The following FGF14 variants were observed in gnomAD, a reference collection of about 807,000 sequenced individuals.
The protein encoded by FGF14 is fibroblast growth factor homologous factor 4.
FGF14 carries 5 observed loss-of-function variants against 25.5 expected under a neutral mutation model. The ratio of observed to expected loss-of-function variants is 0.20; its 90% CI spans 0.10 to 0.41. The LOEUF (loss-of-function observed/expected upper bound fraction) is 0.41. Ranked by LOEUF, FGF14 falls within the 10% of genes least tolerant of loss-of-function variation. The probability of loss-of-function intolerance (pLI) is 1.00; values close to 1 mark genes in which losing one functional copy is unlikely to be tolerated. For missense variants in FGF14, 222 were observed against 320.1 expected, an observed-to-expected ratio of 0.69 and a Z score of 2.34; for synonymous variants, 138 against 118.3, an observed-to-expected ratio of 1.17 and a Z score of -1.08.
chr13:102,045,132 C>T (rs1481793753), intron 1 of FGF14, among the ~76,000 whole-genome samples: 2 of 152,040 alleles, frequency 1.3e-5, no homozygotes, highest in East Asian at 3.9e-4. Flanking sequence ...TTAAAATATA[C>T]ATTATAGGGT....
chr13:102,225,985 C>T (rs2050809916), intron 1 of FGF14, among the ~76,000 whole-genome samples: 1 of 152,154 alleles, frequency 6.6e-6, no homozygotes. Context: ...AGAGTTTTTA[C>T]CTGTCCACTT....
At chr13:102,269,925 C>T (rs1361728081) in intron 1 of FGF14, among the ~76,000 whole-genome samples, 2 of 152,104 alleles carry the variant, frequency 1.3e-5, no homozygotes, top group Non-Finnish European at 1.5e-5. Flanking sequence ...AGAGGCCTGA[C>T]CAGGAGCTTT....
At chr13:102,392,696 T>C (rs185292763) in intron 1 of FGF14, among the ~76,000 whole-genome samples, 3 of 152,238 alleles carry the variant, frequency 2.0e-5, no homozygotes, top group Non-Finnish European at 2.9e-5. Context: ...AAACCTGTAA[T>C]CAGAAAATTC....
At chr13:102,169,411 C>G (rs1221783630) in intron 1 of FGF14, among the ~76,000 whole-genome samples, 1 of 152,060 alleles carries the variant, frequency 6.6e-6, no homozygotes, top group South Asian at 2.1e-4. Context: ...AGGACCCAGA[C>G]TAGAACCTCA....
rs542534139 is a variant in FGF14, at chr13:102,170,286, A to C, written c.208+231185T>G. 1.1e-4 allele frequency among the ~76,000 whole-genome samples: 16 copies of C among 152,226 alleles called. No individual in the cohort carries two copies. In the South Asian group the frequency reaches 2.1e-3, roughly 20 times the overall value. On this transcript the variant is annotated intron_variant, in intron 1 of 4. Transcript: ENST00000376131. ...GTCTATTAATCTCCATGAGGGCACA[A>C]AAATCCTATTATAGGAAATATCAAC...
intron 1 of FGF14, among the ~76,000 whole-genome samples, chr13:102,302,131 T>C (rs2055098313): frequency 6.6e-6 from 1 of 152,144 alleles, no homozygotes; most frequent in African/African-American, 2.4e-5. Context: ...TTTGCTTTCT[T>C]ACCAGATTAA....
intron 1 of FGF14, among the ~76,000 whole-genome samples, chr13:101,961,133 G>T (rs1046514810): frequency 1.3e-5 from 2 of 152,008 alleles, no homozygotes; most frequent in African/African-American, 2.4e-5. Context: ...CCATTCTGTA[G>T]GTTGTATATT....
chr13:102,307,937 G>C (rs2055489819), intron 1 of FGF14, among the ~76,000 whole-genome samples: 1 of 152,084 alleles, frequency 6.6e-6, no homozygotes, highest in African/African-American at 2.4e-5. Flanking sequence ...CCCATTTTCA[G>C]ATAAGAAACC....
At chr13:102,260,614 T>C (rs1250390588) in intron 1 of FGF14, among the ~76,000 whole-genome samples, 1 of 152,256 alleles carries the variant, frequency 6.6e-6, no homozygotes, top group Non-Finnish European at 1.5e-5. Context: ...CGCTATCACA[T>C]TGACTCCTGT....
intron 1 of FGF14, among the ~76,000 whole-genome samples, chr13:102,358,332 T>C (rs567423711): frequency 1.3e-5 from 2 of 152,338 alleles, no homozygotes; most frequent in South Asian, 2.1e-4. Context: ...TTGTACTTAG[T>C]AGACATTGAC....
chr13:102,334,024 T>C (rs1009029359), intron 1 of FGF14, among the ~76,000 whole-genome samples: 1 of 152,188 alleles, frequency 6.6e-6, no homozygotes, highest in Non-Finnish European at 1.5e-5. Context: ...TGGGAGCCCA[T>C]ATAGAGGCCA....
intron 3 of FGF14, among the ~76,000 whole-genome samples, chr13:101,757,545 C>T (rs992426976): frequency 2.0e-5 from 3 of 152,134 alleles, no homozygotes; most frequent in Non-Finnish European, 4.4e-5. Flanking sequence ...TCAGCCTCTC[C>T]TTCACCTTGA....
intron 1 of FGF14, among the ~76,000 whole-genome samples, chr13:102,011,518 G>A (rs529326213): frequency 1.2e-4 from 18 of 151,236 alleles, no homozygotes; most frequent in African/African-American, 3.9e-4. Context: ...ATAGCTGAGA[G>A]CATAGAGAGC....
intron 1 of FGF14, among the ~76,000 whole-genome samples, chr13:102,098,406 A>G (rs1339261689): frequency 2.6e-5 from 4 of 152,234 alleles, no homozygotes; most frequent in Non-Finnish European, 4.4e-5. Flanking sequence ...TGAGTAAAAT[A>G]TAAGTATCAA....
At chr13:102,187,509 T>C (rs779530505) in intron 1 of FGF14, among the ~76,000 whole-genome samples, 58 of 152,282 alleles carry the variant, frequency 3.8e-4, no homozygotes, top group Non-Finnish European at 6.5e-4. Context: ...TGCAACAGCA[T>C]CCGCAACAGC....
rs1594547073 is a variant in FGF14 at position 101,868,899 on chromosome 13, GATTT to G, written c.305-75_305-72del. The G allele has an allele frequency of 3.1e-6, 3 of 974,158 alleles. No individual in the cohort carries two copies. The East Asian group carries it at 7.2e-5, about 24-fold the overall frequency. 60.3% of individuals were successfully genotyped at this position (974,158 alleles called of 1,614,324 possible). The stretch of plus-strand genomic sequence containing the variant: ...GGGCAGAGTGTAATTTTTTCTTTCT[GATTT>G]ATTTTATTTAAGAAACATCATCTTT... On this transcript the variant is annotated intron_variant, in intron 2 of 4. Coordinates refer to ENST00000376143, the MANE Select transcript of FGF14 (RefSeq NM_004115.4).
At chr13:102,302,000 C>T (rs1445580771) in intron 1 of FGF14, among the ~76,000 whole-genome samples, 1 of 152,096 alleles carries the variant, frequency 6.6e-6, no homozygotes, top group Non-Finnish European at 1.5e-5. Context: ...TTCCTTTCTG[C>T]TACTTTTGTC....
intron 3 of FGF14, among the ~76,000 whole-genome samples, chr13:101,729,360 C>A (rs1388539620): frequency 6.6e-6 from 1 of 152,108 alleles, no homozygotes; most frequent in African/African-American, 2.4e-5. Flanking sequence ...ATAATCCCAG[C>A]ATTTCCTATA....
At chr13:102,061,683 A>C (rs1241336389) in intron 1 of FGF14, among the ~76,000 whole-genome samples, 2 of 152,208 alleles carry the variant, frequency 1.3e-5, no homozygotes, top group Non-Finnish European at 2.9e-5. Context: ...TGATTGCCTC[A>C]TGAATAGAAG....
Sources: allele counts gnomAD v4.1 joint callset (sites outside exome capture counted in the v4.1 genomes callset), GRCh38; gene constraint gnomAD v4.1.1; transcripts MANE v1.5; gene names NCBI Gene and HGNC (gene_info 2026-07-23, HGNC 2026-07-21).